The following RBFOX1 variants were observed in gnomAD, a reference collection of about 807,000 sequenced individuals.
RBFOX1 encodes RNA binding protein fox-1 homolog 1.
In RBFOX1, 8 loss-of-function variants were observed where a neutral mutation model predicts 57.7. That is an observed-to-expected ratio of 0.14 (90% CI 0.08 to 0.25). The LOEUF (loss-of-function observed/expected upper bound fraction) is 0.25. RBFOX1 is among the 10% of genes least tolerant of loss of function. RBFOX1 has a pLI of 1.00. For missense variants in RBFOX1, 611 were observed against 548.5 expected, an observed-to-expected ratio of 1.11 and a Z score of -1.14; for synonymous variants, 326 against 222.4, an observed-to-expected ratio of 1.47 and a Z score of -4.15.
intron 4 of RBFOX1, among the ~76,000 whole-genome samples, chr16:7,271,946 C>T (rs1567980093): frequency 6.6e-6 from 1 of 152,158 alleles, no homozygotes; most frequent in Non-Finnish European, 1.5e-5. Flanking sequence ...CTCAGGCTTG[C>T]TTTTCTGTGG....
chr16:7,006,895 AC>A (rs1435484893), intron 3 of RBFOX1, among the ~76,000 whole-genome samples: 3 of 152,170 alleles, frequency 2.0e-5, no homozygotes, highest in African/African-American at 7.2e-5. Flanking sequence ...TCTGCCTTTA[AC>A]ATCACCTCCC....
chr16:7,666,654 G>A (rs2069399213), intron 13 of RBFOX1, among the ~76,000 whole-genome samples: 2 of 152,172 alleles, frequency 1.3e-5, no homozygotes, highest in African/African-American at 2.4e-5. Context: ...GAGTGCGAGT[G>A]TGTGTCTGTA....
intron 4 of RBFOX1, among the ~76,000 whole-genome samples, chr16:7,169,070 G>A (rs2080152456): frequency 6.6e-6 from 1 of 152,160 alleles, no homozygotes; most frequent in Non-Finnish European, 1.5e-5. Flanking sequence ...TGCATGTGGA[G>A]GGAGGAAGTA....
chr16:7,179,909 ATTT>A (rs113449495), intron 4 of RBFOX1, among the ~76,000 whole-genome samples: 1 of 142,142 alleles, frequency 7.0e-6, no homozygotes, highest in African/African-American at 2.6e-5. Context: ...TAATTTTTGT[ATTT>A]TTTTTTTTTT....
At chr16:7,199,848 T>A (rs1046915744) in intron 4 of RBFOX1, among the ~76,000 whole-genome samples, 1 of 151,992 alleles carries the variant, frequency 6.6e-6, no homozygotes, top group Admixed American at 6.6e-5. Flanking sequence ...TGAGCTCAGA[T>A]CTCATAACTA....
intron 3 of RBFOX1, among the ~76,000 whole-genome samples, chr16:5,612,913 T>A (rs1354459406): frequency 1.3e-5 from 2 of 152,184 alleles, no homozygotes; most frequent in African/African-American, 4.8e-5. Flanking sequence ...TAGGCTCATG[T>A]CCCACAAAAC....
chr16:5,581,557 C>A (rs2046667361), intron 2 of RBFOX1, among the ~76,000 whole-genome samples: 2 of 152,160 alleles, frequency 1.3e-5, no homozygotes, highest in African/African-American at 4.8e-5. Flanking sequence ...GGGCATGATG[C>A]TGCAAGAGCA....
At chr16:7,193,740 C>T (rs143154552) in intron 4 of RBFOX1, among the ~76,000 whole-genome samples, 5 of 152,166 alleles carry the variant, frequency 3.3e-5, no homozygotes, top group African/African-American at 9.7e-5. Context: ...TGCTCTGCAC[C>T]AGCAACCATG....
intron 10 of RBFOX1, among the ~76,000 whole-genome samples, chr16:7,624,125 A>T (rs921394424): frequency 5.9e-5 from 9 of 152,194 alleles, no homozygotes; most frequent in African/African-American, 2.2e-4. Flanking sequence ...CACCTTTGTA[A>T]TGCCAGTAAA....
intron 3 of RBFOX1, among the ~76,000 whole-genome samples, chr16:6,675,183 C>T (rs549195867): frequency 3.3e-5 from 5 of 152,170 alleles, no homozygotes; most frequent in Non-Finnish European, 7.3e-5. Flanking sequence ...GGTTTACAGG[C>T]ATAAGCCACT....
chr16:5,339,493 TTTTTTTTG>T (rs1280499469), intron 1 of RBFOX1, among the ~76,000 whole-genome samples: 4 of 125,234 alleles, frequency 3.2e-5, no homozygotes, highest in African/African-American at 9.5e-5. Context: ...TTTTTTTTTT[TTTTTTTTG>T]AGATGGAGTC....
At chr16:7,101,047 A>T (rs1265708593) in intron 4 of RBFOX1, among the ~76,000 whole-genome samples, 4 of 152,232 alleles carry the variant, frequency 2.6e-5, no homozygotes, top group Non-Finnish European at 5.9e-5. Context: ...AGTTACCTAT[A>T]TACACTAAAA....
At chr16:6,024,402 G>A (rs2095145759) in intron 1 of RBFOX1, among the ~76,000 whole-genome samples, 1 of 152,188 alleles carries the variant, frequency 6.6e-6, no homozygotes, top group African/African-American at 2.4e-5. Flanking sequence ...ACATTCCAGA[G>A]AGGAGAGATT....
chr16:6,656,841 CT>C (rs1388926708), intron 3 of RBFOX1, among the ~76,000 whole-genome samples: 1 of 151,528 alleles, frequency 6.6e-6, no homozygotes, highest in Non-Finnish European at 1.5e-5. Context: ...TCTCTAAGGA[CT>C]TTTTTTAAAA....
intron 1 of RBFOX1, among the ~76,000 whole-genome samples, chr16:5,364,033 T>G (rs1017089084): frequency 2.0e-5 from 3 of 152,186 alleles, no homozygotes; most frequent in African/African-American, 7.2e-5. Flanking sequence ...TAGTAGTTAC[T>G]CCTTCTCTCC....
intron 7 of RBFOX1, among the ~76,000 whole-genome samples, chr16:7,590,792 G>A (rs376210198): frequency 6.6e-6 from 1 of 151,120 alleles, no homozygotes; most frequent in Non-Finnish European, 1.5e-5. Flanking sequence ...CCGGGGGGTG[G>A]AGATTGCAGT....
At chr16:5,474,578 C>T (rs571869218) in intron 2 of RBFOX1, among the ~76,000 whole-genome samples, 4 of 151,972 alleles carry the variant, frequency 2.6e-5, no homozygotes, top group African/African-American at 7.2e-5. Context: ...CTCTTGAACC[C>T]AGGAGGCAGA....
chr16:5,888,448 C>G (rs895995275), intron 4 of RBFOX1, among the ~76,000 whole-genome samples: 16 of 152,208 alleles, frequency 1.1e-4, no homozygotes, highest in African/African-American at 3.9e-4. Flanking sequence ...TCACAGTGTC[C>G]TGCTGTGTTC....
At position 5,739,227 on chromosome 16, in the gene RBFOX1, A is replaced by T. The variant is rs1039405124; in HGVS notation, c.319-128076A>T. Among the ~76,000 whole-genome samples, 6 of 152,214 alleles carry T rather than the reference A, an allele frequency of 3.9e-5. No individual in the cohort carries two copies. In the East Asian group the frequency reaches 1.2e-3, roughly 29 times the overall value. ...GGAAGGATGAAAGAAAAATAAACTC[A>T]TGATTGAGGGGGAACTTGGCGTCCA... On this transcript the variant is annotated intron_variant, in intron 3 of 19. Transcript: ENST00000641259.
Sources: allele counts gnomAD v4.1 joint callset (sites outside exome capture counted in the v4.1 genomes callset), GRCh38; gene constraint gnomAD v4.1.1; transcripts MANE v1.5; gene names NCBI Gene and HGNC (gene_info 2026-07-23, HGNC 2026-07-21).